The following B3GALT1 variants were observed in gnomAD, a reference collection of about 807,000 sequenced individuals.
B3GALT1 encodes beta-1,3-galactosyltransferase 1.
A neutral mutation model predicts 23.2 loss-of-function variants in B3GALT1; 10 were observed. The ratio of observed to expected loss-of-function variants is 0.43; its 90% CI spans 0.27 to 0.73. B3GALT1 has a LOEUF of 0.73. Ranked by LOEUF, B3GALT1 falls within the 30% of genes least tolerant of loss-of-function variation. The pLI is 0.21. For synonymous variants in B3GALT1, 156 were observed against 141.5 expected, an observed-to-expected ratio of 1.10 and a Z score of -0.73; for missense variants, 299 against 405.4, an observed-to-expected ratio of 0.74 and a Z score of 2.25.
chr2:167,364,163 C>CAAAAAA (rs34314925), intron 1 of B3GALT1, among the ~76,000 whole-genome samples: 1 of 63,150 alleles, frequency 1.6e-5, no homozygotes, highest in Admixed American at 2.1e-4. Context: ...GACTCCATCT[C>CAAAAAA]AAAAAAAAAA....
chr2:167,746,052 G>A (rs1687647309), intron 3 of B3GALT1, among the ~76,000 whole-genome samples: 1 of 152,134 alleles, frequency 6.6e-6, no homozygotes, highest in Admixed American at 6.6e-5. Flanking sequence ...ATGAATTGTT[G>A]TGGTTAGAAA....
intron 1 of B3GALT1, among the ~76,000 whole-genome samples, chr2:167,416,250 G>T (rs929093871): frequency 6.6e-6 from 1 of 152,172 alleles, no homozygotes; most frequent in Non-Finnish European, 1.5e-5. Flanking sequence ...GCTGCCCAGG[G>T]TTACCTCAGG....
intron 1 of B3GALT1, among the ~76,000 whole-genome samples, chr2:167,458,301 G>A (rs1238075976): frequency 6.6e-6 from 1 of 152,088 alleles, no homozygotes; most frequent in Admixed American, 6.6e-5. Context: ...TTCTTTTTAA[G>A]GCTAAATAAG....
chr2:167,443,374 A>G lies in B3GALT1; in HGVS notation c.-510-46803A>G, dbSNP rs1303310936. Among the ~76,000 whole-genome samples the G allele has an allele frequency of 3.3e-5, 5 of 152,182 alleles. No homozygotes were observed. In the East Asian group the frequency reaches 9.6e-4, roughly 29 times the overall value. On this transcript the variant is annotated intron_variant, in intron 1 of 4. Coordinates refer to ENST00000392690, the MANE Select transcript of B3GALT1 (RefSeq NM_020981.4). ...GCAATGCGGACTCTTTTTTGGTTCC[A>G]TATGAACTTTAAAGTAGTTTCTTCC...
chr2:167,466,854 A>ACCACACTGG (rs1699352488), intron 1 of B3GALT1, among the ~76,000 whole-genome samples: 1 of 143,248 alleles, frequency 7.0e-6, no homozygotes. Context: ...CTGGGACTAC[A>ACCACACTGG]GGCGCCCGCC....
At chr2:167,688,026 A>G (rs1042502953) in intron 3 of B3GALT1, among the ~76,000 whole-genome samples, 3 of 152,112 alleles carry the variant, frequency 2.0e-5, no homozygotes, top group African/African-American at 7.2e-5. Context: ...GCTAGCTGTG[A>G]ATTTTTTTCT....
chr2:167,379,805 A>G (rs1372983597), intron 1 of B3GALT1, among the ~76,000 whole-genome samples: 1 of 152,212 alleles, frequency 6.6e-6, no homozygotes, highest in Admixed American at 6.5e-5. Context: ...GTGCCAAGGT[A>G]GAGGTGTGCG....
chr2:167,579,569 G>T (rs974224749), intron 2 of B3GALT1, among the ~76,000 whole-genome samples: 1 of 151,632 alleles, frequency 6.6e-6, no homozygotes, highest in African/African-American at 2.4e-5. Flanking sequence ...ACTCAATGAG[G>T]CCTGATAACT....
chr2:167,445,183 G>A (rs764134037), intron 1 of B3GALT1, among the ~76,000 whole-genome samples: 1 of 152,224 alleles, frequency 6.6e-6, no homozygotes, highest in African/African-American at 2.4e-5. Context: ...TTTGGAGTGA[G>A]TTTCTCAATC....
At chr2:167,867,196 G>A (rs183748008) in intron 4 of B3GALT1, among the ~76,000 whole-genome samples, 1 of 152,152 alleles carries the variant, frequency 6.6e-6, no homozygotes, top group Non-Finnish European at 1.5e-5. Context: ...AAAGTGCTGG[G>A]ATTACAGGCG....
chr2:167,821,890 A>G (rs564273368), intron 4 of B3GALT1, among the ~76,000 whole-genome samples: 5 of 152,332 alleles, frequency 3.3e-5, no homozygotes, highest in African/African-American at 1.2e-4. Flanking sequence ...TTTTTATTTG[A>G]GATGAGTGAA....
chr2:167,456,303 T>G (rs1308148608), intron 1 of B3GALT1, among the ~76,000 whole-genome samples: 17 of 152,116 alleles, frequency 1.1e-4, no homozygotes, highest in Admixed American at 1.1e-3. Context: ...AAGAACTCAC[T>G]TATCACTAAG....
intron 1 of B3GALT1, among the ~76,000 whole-genome samples, chr2:167,391,621 G>T (rs1337014388): frequency 1.3e-5 from 2 of 152,168 alleles, no homozygotes; most frequent in African/African-American, 2.4e-5. Context: ...CAAATGTGAG[G>T]TTTTAAAGTT....
chr2:167,393,164 G>A (rs1197815718), intron 1 of B3GALT1, among the ~76,000 whole-genome samples: 5 of 151,876 alleles, frequency 3.3e-5, no homozygotes, highest in African/African-American at 1.2e-4. Context: ...AACCCGGGAG[G>A]CGGAGCTTGC....
intron 1 of B3GALT1, among the ~76,000 whole-genome samples, chr2:167,407,501 A>G (rs1698303326): frequency 6.6e-6 from 1 of 152,134 alleles, no homozygotes; most frequent in Admixed American, 6.5e-5. Context: ...CAGAGCAGAA[A>G]TAAATGAAAT....
rs564132833 is a variant in B3GALT1, at chr2:167,872,976, T to C, written c.*2956T>C. On this transcript the variant is annotated 3_prime_UTR_variant, in exon 5 of 5. Coordinates refer to ENST00000392690, the MANE Select transcript of B3GALT1 (RefSeq NM_020981.4). ...CTTAAGCATGTTTGCCCTTCGTTTTTTGAATGTTCAAAAAATGTTTAAGTG... is the reference window on the plus strand; with the variant it reads ...CTTAAGCATGTTTGCCCTTCGTTTTCTGAATGTTCAAAAAATGTTTAAGTG... The C allele has an allele frequency of 6.6e-6, 1 of 152,326 alleles. No individual in the cohort carries two copies. The highest frequency in any genetic ancestry group is 2.4e-5 in the African/African-American group (1 of 41,580). 9.4% of individuals were successfully genotyped at this position (152,326 alleles called of 1,614,324 possible). A position where few individuals can be genotyped will look rare whatever the true frequency, so the allele number is the denominator to read the frequency against.
intron 3 of B3GALT1, among the ~76,000 whole-genome samples, chr2:167,690,724 A>G (rs1358990333): frequency 6.6e-6 from 1 of 152,156 alleles, no homozygotes; most frequent in Non-Finnish European, 1.5e-5. Context: ...AGAATGTATT[A>G]CCAATCTATC....
At position 167,633,739 on chromosome 2, in the gene B3GALT1, A is replaced by G. The variant is rs913185535; in HGVS notation, c.-409-13170A>G. 1.6e-3 allele frequency among the ~76,000 whole-genome samples: 237 copies of G among 152,202 alleles called. 3 individuals carry two copies. Among genetic ancestry groups the G allele is most frequent in the Non-Finnish European group, 1.5e-4 (10 of 67,982 alleles). On this transcript the variant is annotated intron_variant, in intron 2 of 4. Coordinates refer to ENST00000392690, the MANE Select transcript of B3GALT1 (RefSeq NM_020981.4). ...TAGACTCCCACACAATAATCACAAT[A>G]ATAGTGGGAGACTTTAATGCCCCAC...
chr2:167,454,469 G>A (rs1053328885), intron 1 of B3GALT1, among the ~76,000 whole-genome samples: 1 of 152,164 alleles, frequency 6.6e-6, no homozygotes, highest in African/African-American at 2.4e-5. Flanking sequence ...AAAGAAAGAG[G>A]AGTCTAGGGA....
Sources: gnomAD v4.1 joint callset for allele counts (sites outside exome capture counted in the v4.1 genomes callset) on GRCh38, gnomAD v4.1.1 for gene constraint, MANE v1.5 for transcripts, NCBI Gene and HGNC (gene_info 2026-07-23, HGNC 2026-07-21) for gene names.